Variants in CDH10 observed in about 807,000 individuals in gnomAD.
CDH10 encodes cadherin 10.
In CDH10, 30 loss-of-function variants were observed where a neutral mutation model predicts 73.1. The observed-to-expected ratio is 0.41, with a 90% CI of 0.31 to 0.56. CDH10 has a LOEUF of 0.56. Ranked by LOEUF, CDH10 falls within the 20% of genes least tolerant of loss-of-function variation. The pLI, the probability that CDH10 is intolerant of heterozygous loss-of-function variation, is 0.27. For synonymous variants in CDH10, 345 were observed against 348.2 expected (o/e 0.99, Z 0.10); for missense variants, 815 against 973.7 (o/e 0.84, Z 2.17).
At chr5:24,558,166 G>A (rs1034177114) in intron 2 of CDH10, among the ~76,000 whole-genome samples, 4 of 147,408 alleles carry the variant, frequency 2.7e-5, no homozygotes, top group African/African-American at 1.0e-4. Context: ...TCCTCTGTAG[G>A]ACATCCTGTA....
chr5:24,505,224 G>A lies in CDH10; in HGVS notation c.1281C>T (p.Asp427=), dbSNP rs1266954736. The A allele has an allele frequency of 3.1e-6, 5 of 1,612,834 alleles. No individual in the cohort carries two copies. The Admixed American group carries it at 8.3e-5, about 27-fold the overall frequency. The change falls in exon 8 of 12, where the codon GAC becomes GAT. Residue 427 remains aspartate, a synonymous_variant. Transcript: ENST00000264463. Reference sequence around the variant, plus strand: ...AATGAATGTTAAAGATTCTGTCAAGGTCAGTATGGCGATCCAAGGAAAATC... The same window carrying A: ...AATGAATGTTAAAGATTCTGTCAAGATCAGTATGGCGATCCAAGGAAAATC... ...PIRFSLDRHT[D]LDRIFNIHSG...
intron 2 of CDH10, among the ~76,000 whole-genome samples, chr5:24,579,185 A>G (rs13164415): frequency 0.38 from 57,941 of 151,564 alleles, 13,483 homozygotes; most frequent in East Asian, 0.54. Context: ...TCTGCTAAAG[A>G]TATCTTTAAA....
At chr5:24,530,374 CA>C (rs1312551409) in intron 5 of CDH10, among the ~76,000 whole-genome samples, 2 of 151,912 alleles carry the variant, frequency 1.3e-5, no homozygotes, top group African/African-American at 2.4e-5. Context: ...CTACAATGAT[CA>C]GGTTTCAGTA....
intron 2 of CDH10, chr5:24,578,709 A>G (rs1209276688): frequency 1.3e-5 from 2 of 152,544 alleles, no homozygotes; most frequent in African/African-American, 4.8e-5. Flanking sequence ...TTCTACAACA[A>G]AACTGTGGCA....
At chr5:24,622,532 C>T (rs780620202) in intron 1 of CDH10, among the ~76,000 whole-genome samples, 1 of 152,136 alleles carries the variant, frequency 6.6e-6, no homozygotes, top group Non-Finnish European at 1.5e-5. Flanking sequence ...CTCTAGTGTT[C>T]TGATTAGAGA....
intron 2 of CDH10, among the ~76,000 whole-genome samples, chr5:24,565,270 T>C (rs1745127342): frequency 6.6e-6 from 1 of 152,164 alleles, no homozygotes; most frequent in East Asian, 1.9e-4. Context: ...ATCTATATTT[T>C]AAAAAACTTC....
At chr5:24,557,828 T>C (rs1744820244) in intron 2 of CDH10, among the ~76,000 whole-genome samples, 1 of 151,506 alleles carries the variant, frequency 6.6e-6, no homozygotes, top group South Asian at 2.1e-4. Context: ...CTAAAGAAAA[T>C]AAGATGAATG....
chr5:24,571,392 C>G (rs760899385), intron 2 of CDH10, among the ~76,000 whole-genome samples: 1 of 151,890 alleles, frequency 6.6e-6, no homozygotes, highest in Non-Finnish European at 1.5e-5. Flanking sequence ...CCACAGGGGT[C>G]AACAGTAAGA....
chr5:24,550,366 C>T (rs1047127679), intron 2 of CDH10, among the ~76,000 whole-genome samples: 2 of 152,036 alleles, frequency 1.3e-5, no homozygotes, highest in African/African-American at 2.4e-5. Flanking sequence ...CAGGCTTATA[C>T]ATCTGGCTAT....
chr5:24,516,659 C>A (rs1678424848), intron 5 of CDH10, among the ~76,000 whole-genome samples: 2 of 151,738 alleles, frequency 1.3e-5, no homozygotes, highest in South Asian at 4.1e-4. Flanking sequence ...TTGTTTTCTG[C>A]AAATCCTTCT....
chr5:24,638,742 TAAG>T (rs1747948398), intron 1 of CDH10, among the ~76,000 whole-genome samples: 2 of 151,780 alleles, frequency 1.3e-5, no homozygotes, highest in Non-Finnish European at 2.9e-5. Flanking sequence ...TATAATGCTT[TAAG>T]AAGAAGTCAA....
rs2111878044 is a variant in CDH10, at chr5:24,535,212, C to T, written c.714G>A (p.Gln238=). The change falls in exon 5 of 12, where the codon CAG becomes CAA. Residue 238 remains glutamine (Q), a synonymous_variant. Coordinates refer to ENST00000264463, the MANE Select transcript of CDH10 (RefSeq NM_006727.5). ...CCATCTGGCCGCCCATGTCTTTGGC[C>T]TGGATGACCACTTGGTATTGCTCTC... ...ENREQYQVVI[Q]AKDMGGQMGG... 6.2e-7 allele frequency: 1 copy of T among 1,613,488 alleles called. No individual in the cohort carries two copies. The highest frequency in any genetic ancestry group is 8.5e-7 in the Non-Finnish European group (1 of 1,179,664).
intron 2 of CDH10, among the ~76,000 whole-genome samples, chr5:24,560,449 T>C: frequency 6.7e-6 from 1 of 148,172 alleles, no homozygotes; most frequent in East Asian, 2.0e-4. Flanking sequence ...TAAAACTGCA[T>C]TGAATTAAAT....
intron 5 of CDH10, among the ~76,000 whole-genome samples, chr5:24,531,728 T>C (rs1743760510): frequency 1.3e-5 from 2 of 152,214 alleles, no homozygotes; most frequent in Non-Finnish European, 2.9e-5. Flanking sequence ...GTGGGAATTA[T>C]GGGAGCTACA....
chr5:24,529,325 T>G (rs1743641785), intron 5 of CDH10, among the ~76,000 whole-genome samples: 1 of 152,012 alleles, frequency 6.6e-6, no homozygotes, highest in Non-Finnish European at 1.5e-5. Context: ...TAGTTGTGTA[T>G]AATCTTTAGT....
At chr5:24,560,512 T>G (rs1268994339) in intron 2 of CDH10, among the ~76,000 whole-genome samples, 1 of 152,126 alleles carries the variant, frequency 6.6e-6, no homozygotes, top group African/African-American at 2.4e-5. Context: ...GCCCTAAGTT[T>G]GAATAATGCT....
chr5:24,529,321 T>C (rs1314072969), intron 5 of CDH10, among the ~76,000 whole-genome samples: 1 of 152,026 alleles, frequency 6.6e-6, no homozygotes, highest in South Asian at 2.1e-4. Flanking sequence ...GTTGTAGTTG[T>C]GTATAATCTT....
intron 2 of CDH10, among the ~76,000 whole-genome samples, chr5:24,539,935 A>G (rs1459524816): frequency 6.6e-6 from 1 of 152,098 alleles, no homozygotes; most frequent in Non-Finnish European, 1.5e-5. Context: ...AAATAATTCA[A>G]GAAAAATTAT....
intron 2 of CDH10, among the ~76,000 whole-genome samples, chr5:24,583,005 C>T (rs1745858677): frequency 2.0e-5 from 3 of 151,936 alleles, no homozygotes; most frequent in African/African-American, 7.3e-5. Context: ...AGTCATATTT[C>T]CTAAAGATAT....
Sources: gnomAD v4.1 joint callset for allele counts (sites outside exome capture counted in the v4.1 genomes callset) on GRCh38, gnomAD v4.1.1 for gene constraint, MANE v1.5 for transcripts, NCBI Gene and HGNC (gene_info 2026-07-23, HGNC 2026-07-21) for gene names.